Variants in TAFA1 observed in about 807,000 individuals in gnomAD.
TAFA1 encodes the protein TAFA chemokine like family member 1, also known as chemokine-like protein TAFA-1.
In TAFA1, 4 loss-of-function variants were observed where a neutral mutation model predicts 18.5. That is an observed-to-expected ratio of 0.22 (90% CI 0.11 to 0.49). TAFA1 has a LOEUF of 0.49. Among genes scored for constraint, TAFA1 ranks in the 20% least tolerant of loss-of-function variants. TAFA1 has a pLI of 0.98. For missense variants in TAFA1, 147 were observed against 169.0 expected (o/e 0.87, Z 0.72); for synonymous variants, 56 against 55.2 (o/e 1.01, Z -0.06).
At chr3:68,291,647 T>G (rs2068111190) in intron 2 of TAFA1, among the ~76,000 whole-genome samples, 1 of 151,974 alleles carries the variant, frequency 6.6e-6, no homozygotes, top group East Asian at 1.9e-4. Flanking sequence ...GATCCACACG[T>G]TAAGGTAGTG....
intron 2 of TAFA1, among the ~76,000 whole-genome samples, chr3:68,211,943 C>T (rs2066602641): frequency 6.6e-6 from 1 of 152,032 alleles, no homozygotes; most frequent in African/African-American, 2.4e-5. Flanking sequence ...GTGGGAATGA[C>T]ATTTTAACAT....
chr3:68,269,105 G>A lies in TAFA1; in HGVS notation c.119-148175G>A, dbSNP rs114970442. ...AACAAACTTTTGCTGAACTGTTTGA[G>A]GCTAATTCTCCCAAATTGTAATGTG... On this transcript the variant is annotated intron_variant, in intron 2 of 4. Coordinates refer to ENST00000478136, the MANE Select transcript of TAFA1 (RefSeq NM_213609.4). Among the ~76,000 whole-genome samples, 488 of 152,138 alleles carry A rather than the reference G, an allele frequency of 3.2e-3. 2 individuals carry two copies. The highest frequency in any genetic ancestry group is 0.011 in the African/African-American group (454 of 41,516).
At chr3:68,076,182 G>A (rs1347111025) in intron 2 of TAFA1, among the ~76,000 whole-genome samples, 2 of 152,114 alleles carry the variant, frequency 1.3e-5, no homozygotes, top group Non-Finnish European at 2.9e-5. Flanking sequence ...TACTTGTGGT[G>A]TAGTGGTCTT....
chr3:68,354,670 T>C (rs2069330689), intron 2 of TAFA1, among the ~76,000 whole-genome samples: 1 of 152,006 alleles, frequency 6.6e-6, no homozygotes, highest in Non-Finnish European at 1.5e-5. Context: ...AACAAATTTA[T>C]TTCTCACAGT....
intron 2 of TAFA1, among the ~76,000 whole-genome samples, chr3:68,366,163 G>A (rs1031269128): frequency 1.5e-4 from 23 of 148,892 alleles, no homozygotes; most frequent in African/African-American, 4.7e-4. Context: ...TGGGGAAACC[G>A]CCCCCATGAT....
At chr3:68,124,073 T>G (rs1183248526) in intron 2 of TAFA1, among the ~76,000 whole-genome samples, 4 of 152,152 alleles carry the variant, frequency 2.6e-5, no homozygotes, top group African/African-American at 9.7e-5. Context: ...GTTTGCTGAT[T>G]TGATTATCTG....
intron 2 of TAFA1, among the ~76,000 whole-genome samples, chr3:68,076,108 A>G (rs548063411): frequency 1.3e-5 from 2 of 152,150 alleles, no homozygotes; most frequent in Admixed American, 6.5e-5. Flanking sequence ...GGGTTGTTCC[A>G]CTGTTATTTA....
At chr3:68,043,630 C>T (rs1373854876) in intron 2 of TAFA1, among the ~76,000 whole-genome samples, 1 of 152,100 alleles carries the variant, frequency 6.6e-6, no homozygotes, top group Non-Finnish European at 1.5e-5. Flanking sequence ...CCTTTTTTCC[C>T]TCTGAATTCT....
intron 2 of TAFA1, among the ~76,000 whole-genome samples, chr3:68,181,263 T>A (rs2066195756): frequency 6.6e-6 from 1 of 152,060 alleles, no homozygotes; most frequent in East Asian, 1.9e-4. Flanking sequence ...CAACTCCTGA[T>A]CTGTAGAAAC....
chr3:68,078,507 GT>G (rs1333921149), intron 2 of TAFA1, among the ~76,000 whole-genome samples: 2 of 152,110 alleles, frequency 1.3e-5, no homozygotes, highest in Non-Finnish European at 2.9e-5. Context: ...TTTATTGAGA[GT>G]TTTTAGCATG....
At chr3:68,332,533 A>G (rs1445822998) in intron 2 of TAFA1, among the ~76,000 whole-genome samples, 1 of 152,220 alleles carries the variant, frequency 6.6e-6, no homozygotes, top group East Asian at 1.9e-4. Flanking sequence ...GTTAATATTC[A>G]AAATATAAGA....
chr3:68,485,920 T>C (rs1054205004), intron 3 of TAFA1, among the ~76,000 whole-genome samples: 2 of 152,090 alleles, frequency 1.3e-5, no homozygotes, highest in African/African-American at 4.8e-5. Context: ...AATGGAGAAC[T>C]TTCCTTCACT....
intron 3 of TAFA1, among the ~76,000 whole-genome samples, chr3:68,527,892 C>G (rs946692868): frequency 6.6e-6 from 1 of 152,122 alleles, no homozygotes; most frequent in East Asian, 1.9e-4. Context: ...ATGTCCTCCC[C>G]TCTACCCTCA....
intron 3 of TAFA1, among the ~76,000 whole-genome samples, chr3:68,532,526 A>C (rs546071881): frequency 2.6e-5 from 4 of 152,206 alleles, no homozygotes; most frequent in African/African-American, 9.6e-5. Flanking sequence ...AATCATCCCC[A>C]AAAAACACAG....
intron 2 of TAFA1, among the ~76,000 whole-genome samples, chr3:68,338,260 T>A (rs185477500): frequency 6.6e-6 from 1 of 152,322 alleles, no homozygotes; most frequent in African/African-American, 2.4e-5. Context: ...AAAAAATAAA[T>A]CCCTGTTCCA....
intron 2 of TAFA1, among the ~76,000 whole-genome samples, chr3:68,377,697 C>T (rs1416437853): frequency 6.6e-6 from 1 of 152,100 alleles, no homozygotes. Flanking sequence ...AGCAGTATCC[C>T]CTCCCATCAC....
chr3:68,295,633 G>T (rs906401899), intron 2 of TAFA1, among the ~76,000 whole-genome samples: 9 of 152,040 alleles, frequency 5.9e-5, no homozygotes, highest in East Asian at 1.9e-4. Flanking sequence ...TTGAGACAGG[G>T]TCTTTCTCTG....
upstream of TAFA1, among the ~76,000 whole-genome samples, chr3:68,000,297 G>A (rs1559697043): frequency 6.6e-6 from 1 of 152,174 alleles, no homozygotes; most frequent in Admixed American, 6.5e-5. Context: ...GTTATAAGGA[G>A]ATAAAGCAGG....
At chr3:68,249,378 T>C (rs1204526608) in intron 2 of TAFA1, among the ~76,000 whole-genome samples, 2 of 152,104 alleles carry the variant, frequency 1.3e-5, no homozygotes, top group Non-Finnish European at 2.9e-5. Context: ...TGGGAGAAAA[T>C]GTCTTCCCCA....
Sources: allele counts gnomAD v4.1 joint callset (sites outside exome capture counted in the v4.1 genomes callset), GRCh38; gene constraint gnomAD v4.1.1; transcripts MANE v1.5; gene names NCBI Gene and HGNC (gene_info 2026-07-23, HGNC 2026-07-21).